The following STRN variants were observed in gnomAD, a reference collection of about 807,000 sequenced individuals.
The protein encoded by STRN is protein phosphatase 2 regulatory subunit B'''alpha.
Under a neutral mutation model 96.3 loss-of-function variants are expected in STRN, and 53 were observed. That is an observed-to-expected ratio of 0.55 (90% confidence interval 0.44 to 0.69). The LOEUF is 0.69. Among genes scored for constraint, STRN ranks in the 30% least tolerant of loss-of-function variants. The pLI is 0.00. For synonymous variants in STRN, 428 were observed against 355.9 expected (o/e 1.20, Z -2.28); for missense variants, 987 against 963.9 (o/e 1.02, Z -0.32).
At chr2:36,904,747 G>C (rs74693861) in intron 4 of STRN, among the ~76,000 whole-genome samples, 7,224 of 152,228 alleles carry the variant, frequency 0.047, 259 homozygotes, top group East Asian at 0.12. Flanking sequence ...AGAATCACTT[G>C]AGCCCAGGAG....
chr2:36,854,848 T>C (rs1398426821), intron 15 of STRN, among the ~76,000 whole-genome samples: 1 of 152,198 alleles, frequency 6.6e-6, no homozygotes, highest in African/African-American at 2.4e-5. Context: ...TACCAAATCA[T>C]ACTATTAATA....
intron 1 of STRN, among the ~76,000 whole-genome samples, chr2:36,929,842 G>A (rs200082151): frequency 6.6e-6 from 1 of 152,130 alleles, no homozygotes. Flanking sequence ...GGAATATAAA[G>A]AGCATTCACT....
At chr2:36,952,035 T>C (rs945164569) in intron 1 of STRN, among the ~76,000 whole-genome samples, 2 of 152,030 alleles carry the variant, frequency 1.3e-5, no homozygotes, top group Non-Finnish European at 2.9e-5. Context: ...AACAATTTCG[T>C]CCCGAAAATA....
intron 12 of STRN, 40 bp downstream of exon 12, chr2:36,867,774 A>T: frequency 7.4e-7 from 1 of 1,349,290 alleles, no homozygotes; most frequent in South Asian, 1.4e-5. Flanking sequence ...GCTATTTTAC[A>T]GAGATATCGG....
rs184037387 is a variant in STRN at position 36,885,053 on chromosome 2, A to C, written c.1043-978T>G. On this transcript the variant is annotated intron_variant, in intron 8 of 17. Transcript: ENST00000263918. The stretch of plus-strand genomic sequence containing the variant: ...TTACAGTGTCATTTTTCTTCACCAT[A>C]CTAAAAAAAAACCATGTGCTAGATG... Among the ~76,000 whole-genome samples the C allele has an allele frequency of 3.3e-4, 50 of 152,238 alleles. 1 individual carries two copies. The highest frequency in any genetic ancestry group is 1.2e-3 in the African/African-American group (50 of 41,564).
intron 1 of STRN, among the ~76,000 whole-genome samples, chr2:36,953,237 G>C (rs1412161520): frequency 6.6e-6 from 1 of 151,932 alleles, no homozygotes; most frequent in African/African-American, 2.4e-5. Flanking sequence ...TAATTCCAGG[G>C]TTCCTATTCC....
rs892342789 is a variant in STRN at position 36,878,026 on chromosome 2, C to T, written c.1188G>A (p.Val396=). The part of the protein sequence containing the change: ...PEHEINRADE[V]EALTFPPSSG... ...AAGAAGGAGGAAATGTCAATGCTTCCACTGAAGAGGGAAGACAAAGGAAAC... is the reference window on the plus strand; with the variant it reads ...AAGAAGGAGGAAATGTCAATGCTTCTACTGAAGAGGGAAGACAAAGGAAAC... The change falls in exon 10 of 18, where the codon GTG becomes GTA. Residue 396 remains valine (V), a splice_region_variant and synonymous_variant. Coordinates refer to ENST00000263918, the MANE Select transcript of STRN (RefSeq NM_003162.4). The T allele has an allele frequency of 5.0e-6, 8 of 1,613,716 alleles. No individual in the cohort carries two copies. The highest frequency in any genetic ancestry group is 6.8e-6 in the Non-Finnish European group (8 of 1,179,962).
chr2:36,876,878 G>C (rs777564477), intron 10 of STRN, among the ~76,000 whole-genome samples: 19 of 151,896 alleles, frequency 1.3e-4, no homozygotes, highest in Non-Finnish European at 2.2e-4. Flanking sequence ...CTCCCGAGTA[G>C]TTGGGACTAC....
intron 1 of STRN, among the ~76,000 whole-genome samples, chr2:36,943,991 G>T (rs1440866151): frequency 6.6e-6 from 1 of 150,870 alleles, no homozygotes; most frequent in African/African-American, 2.4e-5. Flanking sequence ...GTGGTGGCGG[G>T]CACCTGTAAT....
rs189398434 is a variant in STRN at position 36,865,803 on chromosome 2, G to A, written c.1547+2011C>T. Among the ~76,000 whole-genome samples, 71 of 151,824 alleles carry A rather than the reference G, an allele frequency of 4.7e-4. No individual in the cohort carries two copies. The East Asian group carries it at 0.013, about 27-fold the overall frequency. On this transcript the variant is annotated intron_variant, in intron 12 of 17. Transcript: ENST00000263918. Reference sequence around the variant, plus strand: ...TCTCAAACTCCTGACCTTGTGATCCGCCTGCCTCAACCTCCCAAAGTGCTG... The same window carrying A: ...TCTCAAACTCCTGACCTTGTGATCCACCTGCCTCAACCTCCCAAAGTGCTG...
At chr2:36,849,674 T>G (rs1668171252) in intron 17 of STRN, 40 bp downstream of exon 17, 1 of 1,612,312 alleles carries the variant, frequency 6.2e-7, no homozygotes, top group Non-Finnish European at 8.5e-7. Flanking sequence ...AACATGAAAA[T>G]GGTAAGGACA....
chr2:36,944,518 T>C (rs1670930701), intron 1 of STRN, among the ~76,000 whole-genome samples: 1 of 152,210 alleles, frequency 6.6e-6, no homozygotes, highest in South Asian at 2.1e-4. Context: ...TTAAGTAATG[T>C]TCCTAGTAGA....
chr2:36,966,078 A>G, intron 1 of STRN, 152 bp downstream of exon 1: 1 of 871,186 alleles, frequency 1.1e-6, no homozygotes, highest in East Asian at 3.4e-5. Context: ...GCAAAAGGCG[A>G]AGAGAAGAAG....
At chr2:36,857,492 C>T (rs1558623619) in intron 14 of STRN, among the ~76,000 whole-genome samples, 1 of 151,672 alleles carries the variant, frequency 6.6e-6, no homozygotes, top group Non-Finnish European at 1.5e-5. Flanking sequence ...CTGGCCAACA[C>T]AGCAAAACCC....
intron 1 of STRN, among the ~76,000 whole-genome samples, chr2:36,960,817 A>T (rs1180137129): frequency 6.6e-6 from 1 of 152,202 alleles, no homozygotes; most frequent in Non-Finnish European, 1.5e-5. Flanking sequence ...GTTTTCCATT[A>T]AAAAGCTCAG....
At chr2:36,957,607 G>C (rs758628110) in intron 1 of STRN, among the ~76,000 whole-genome samples, 2 of 151,538 alleles carry the variant, frequency 1.3e-5, no homozygotes, top group Non-Finnish European at 2.9e-5. Flanking sequence ...AAAAAATAAA[G>C]TGGCCCCAGA....
chr2:36,883,940 G>A lies in STRN; in HGVS notation c.1178C>T (p.Ala393Val), dbSNP rs770601942. ...SRLPEHEINR[A>V]DEVEALTFPP... ...GTATCTTAAATACTTACCTTCATCT[G>A]CCCTATTAATTTCATGTTCAGGAAG... The change falls in exon 9 of 18, where the codon GCA becomes GTA. Residue 393 changes from alanine to valine, a missense_variant. Physicochemically the swap from Ala to Val is moderately conservative, Grantham distance 64 (BLOSUM62 0). Transcript: ENST00000263918. The A allele has an allele frequency of 5.7e-6, 8 of 1,392,392 alleles. No individual in the cohort carries two copies. In the Admixed American group the frequency reaches 2.2e-4, roughly 38 times the overall value. The allele number at this position is 1,392,392 out of a possible 1,614,324, so 86.3% of individuals were successfully genotyped here.
chr2:36,886,224 T>C (rs889814199), intron 8 of STRN, among the ~76,000 whole-genome samples: 3 of 152,160 alleles, frequency 2.0e-5, no homozygotes, highest in South Asian at 2.1e-4. Flanking sequence ...CTGTGCCCTG[T>C]ATAGCATATA....
At chr2:36,961,567 A>AT (rs1382014510) in intron 1 of STRN, among the ~76,000 whole-genome samples, 3 of 152,084 alleles carry the variant, frequency 2.0e-5, no homozygotes, top group Non-Finnish European at 4.4e-5. Flanking sequence ...ACATATTCAC[A>AT]TATCTTATCA....
Sources: gnomAD v4.1 joint callset for allele counts (sites outside exome capture counted in the v4.1 genomes callset) on GRCh38, gnomAD v4.1.1 for gene constraint, MANE v1.5 for transcripts, NCBI Gene and HGNC (gene_info 2026-07-23, HGNC 2026-07-21) for gene names.